Variants in TOX2 observed in about 807,000 individuals in gnomAD.
The protein encoded by TOX2 is TOX high mobility group box family member 2, also known as granulosa cell HMG box 1.
Under a neutral mutation model 47.4 loss-of-function variants are expected in TOX2, and 15 were observed. That is an observed-to-expected ratio of 0.32 (90% CI 0.21 to 0.49). The LOEUF is 0.49. TOX2 is among the 20% of genes least tolerant of loss of function. The pLI is 0.99. For synonymous variants in TOX2, 290 were observed against 296.6 expected, an observed-to-expected ratio of 0.98 and a Z score of 0.23; for missense variants, 622 against 673.1, an observed-to-expected ratio of 0.92 and a Z score of 0.84.
At chr20:44,051,668 C>T (rs1156703977) in intron 4 of TOX2, 123 bp downstream of exon 4, 1 of 1,392,648 alleles carries the variant, frequency 7.2e-7, no homozygotes, top group Non-Finnish European at 9.5e-7. Flanking sequence ...CCCAAGGTCC[C>T]CGTAGGTGCC....
chr20:44,063,614 AGAG>A (rs576050707), intron 5 of TOX2, among the ~76,000 whole-genome samples: 2 of 152,338 alleles, frequency 1.3e-5, no homozygotes, highest in South Asian at 4.1e-4. Flanking sequence ...GTATCCACCC[AGAG>A]GAGAAGAAAT....
At chr20:43,943,936 C>T (rs1182128001) in intron 1 of TOX2, among the ~76,000 whole-genome samples, 1 of 152,146 alleles carries the variant, frequency 6.6e-6, no homozygotes. Context: ...AATAAATATC[C>T]TTGTCCACAC....
At chr20:43,969,203 T>C (rs764631636) in intron 1 of TOX2, among the ~76,000 whole-genome samples, 2 of 152,234 alleles carry the variant, frequency 1.3e-5, no homozygotes, top group Non-Finnish European at 2.9e-5. Context: ...ATGGACATGA[T>C]ACATGAGTGA....
chr20:43,945,772 A>G, intron 1 of TOX2: 1 of 1,231,692 alleles, frequency 8.1e-7, no homozygotes, highest in East Asian at 2.4e-5. Flanking sequence ...GAGGTTAAAT[A>G]ACAGGTTTTT....
Position 43,915,029 on chromosome 20 carries a change from C to A in TOX2, c.99+39C>A. 1.7e-6 allele frequency: 2 copies of A among 1,193,944 alleles called. No individual in the cohort carries two copies. Among genetic ancestry groups the A allele is most frequent in the Non-Finnish European group, 2.1e-6 (2 of 954,206 alleles). The allele number at this position is 1,193,944 out of a possible 1,614,324, so 74.0% of individuals were successfully genotyped here. A position where few individuals can be genotyped will look rare whatever the true frequency, so the allele number is the denominator to read the frequency against. On this transcript the variant is annotated intron_variant, in intron 1 of 8. Transcript: ENST00000341197. This position sits in a 1 kb window ranked among gnomAD's most constrained non-coding sequence, Gnocchi z 7.1. ...GGCGGGGGTCCCCGGCGGGCGGGGCCGGAGTCACCTGGCAGCTCGGGACTC... is the reference window on the plus strand; with the variant it reads ...GGCGGGGGTCCCCGGCGGGCGGGGCAGGAGTCACCTGGCAGCTCGGGACTC...
Position 44,068,674 on chromosome 20 carries a change from C to T in TOX2, c.1509C>T (p.Leu503=). 6.2e-7 allele frequency: 1 copy of T among 1,613,920 alleles called. No individual in the cohort carries two copies. Among genetic ancestry groups the T allele is most frequent in the South Asian group, 1.1e-5 (1 of 91,076 alleles). Residue 503 remains leucine, a synonymous_variant, in exon 9 of 9, where the codon CTC becomes CTT. Transcript: ENST00000341197. ...GCCTGCTCCCCAGGGACAAATCGCT[C>T]TACCTCACCTAATCCCGCCTCCCTA... ...TCSLLPRDKS[L]YLT is the part of the protein sequence containing the mutation.
intron 1 of TOX2, among the ~76,000 whole-genome samples, chr20:43,931,810 C>T (rs1333984067): frequency 2.0e-5 from 3 of 152,164 alleles, no homozygotes; most frequent in African/African-American, 4.8e-5. Context: ...AGCCAGTAGC[C>T]GTGTGTGGCT....
At chr20:43,998,119 A>T (rs1454767079) in intron 2 of TOX2, among the ~76,000 whole-genome samples, 1 of 152,224 alleles carries the variant, frequency 6.6e-6, no homozygotes, top group Non-Finnish European at 1.5e-5. Flanking sequence ...ACATATTCAC[A>T]TGGCAGCAGG....
At chr20:43,918,034 C>G (rs1174331514) in intron 1 of TOX2, among the ~76,000 whole-genome samples, 1 of 135,546 alleles carries the variant, frequency 7.4e-6, no homozygotes, top group Admixed American at 7.7e-5. Context: ...AAAGATGAGG[C>G]CTGAGCCCAG....
At chr20:43,930,619 G>A (rs1310287141) in intron 1 of TOX2, among the ~76,000 whole-genome samples, 1 of 152,182 alleles carries the variant, frequency 6.6e-6, no homozygotes, top group Non-Finnish European at 1.5e-5. Flanking sequence ...TTGGGCTGGG[G>A]TATCTGGGGC....
At chr20:44,039,368 T>G in intron 3 of TOX2, 1 of 1,229,130 alleles carries the variant, frequency 8.1e-7, no homozygotes, top group Non-Finnish European at 1.1e-6. Flanking sequence ...GCATTTTACA[T>G]GGCTAGGCCA....
At chr20:43,959,698 C>G (rs556072292) in intron 1 of TOX2, among the ~76,000 whole-genome samples, 2 of 152,346 alleles carry the variant, frequency 1.3e-5, no homozygotes, top group South Asian at 2.1e-4. Context: ...TCCCCCCACA[C>G]CACAGTGCAA....
chr20:43,998,923 C>A (rs1276514537), intron 2 of TOX2, among the ~76,000 whole-genome samples: 1 of 152,104 alleles, frequency 6.6e-6, no homozygotes, highest in Non-Finnish European at 1.5e-5. Context: ...CCATGTCCAG[C>A]TAATTTTTGT....
intron 1 of TOX2, among the ~76,000 whole-genome samples, chr20:43,929,792 C>G (rs1345691807): frequency 6.6e-6 from 1 of 152,150 alleles, no homozygotes; most frequent in Non-Finnish European, 1.5e-5. Context: ...TCACTGCAAC[C>G]TTCACCTCCC....
At chr20:44,047,347 TTC>T (rs1244261360) in intron 3 of TOX2, among the ~76,000 whole-genome samples, 1 of 152,198 alleles carries the variant, frequency 6.6e-6, no homozygotes, top group Non-Finnish European at 1.5e-5. Flanking sequence ...CCCTAGATGT[TTC>T]TGTTACTAAA....
At chr20:44,063,847 A>G (rs1268582396) in intron 5 of TOX2, among the ~76,000 whole-genome samples, 1 of 152,138 alleles carries the variant, frequency 6.6e-6, no homozygotes, top group Non-Finnish European at 1.5e-5. Context: ...GAAGGAAATA[A>G]TGGCATTTGC....
At chr20:44,049,723 A>G (rs1368859402) in intron 3 of TOX2, among the ~76,000 whole-genome samples, 4 of 152,154 alleles carry the variant, frequency 2.6e-5, no homozygotes, top group East Asian at 1.9e-4. Context: ...GCTTCCACTT[A>G]CAAGTGAAAA....
chr20:43,920,242 C>G (rs745648759), intron 1 of TOX2, among the ~76,000 whole-genome samples: 1 of 152,252 alleles, frequency 6.6e-6, no homozygotes, highest in Admixed American at 6.5e-5. Context: ...CCCACCCACA[C>G]AGCTCTGGGC....
At chr20:43,973,537 C>T in intron 2 of TOX2, 105 bp downstream of exon 2, 1 of 890,286 alleles carries the variant, frequency 1.1e-6, no homozygotes, top group South Asian at 1.4e-5. Context: ...CCAGCACAGC[C>T]CGCTGCTGTC....
Sources: gnomAD v4.1 joint callset for allele counts (sites outside exome capture counted in the v4.1 genomes callset) on GRCh38, gnomAD v4.1.1 for gene constraint, Gnocchi (gnomAD v3.1) non-coding constraint, MANE v1.5 for transcripts, NCBI Gene and HGNC (gene_info 2026-07-23, HGNC 2026-07-21) for gene names.